The following ABCC9 variants were observed in gnomAD, a reference collection of about 807,000 sequenced individuals.
The protein encoded by ABCC9 is ATP-binding cassette sub-family C member 9.
Under a neutral mutation model 188.3 loss-of-function variants are expected in ABCC9, and 95 were observed. The ratio of observed to expected loss-of-function variants is 0.50; its 90% CI spans 0.43 to 0.60. ABCC9 has a LOEUF of 0.60. Among genes scored for constraint, ABCC9 ranks in the 20% least tolerant of loss-of-function variants. ABCC9 has a pLI of 0.00. For synonymous variants in ABCC9, 659 were observed against 652.7 expected (o/e 1.01, Z -0.15); for missense variants, 1,102 against 1,876.3 (o/e 0.59, Z 7.62).
chr12:21,821,270 T>C (rs1203562928), intron 31 of ABCC9, among the ~76,000 whole-genome samples: 2 of 152,214 alleles, frequency 1.3e-5, no homozygotes, highest in African/African-American at 2.4e-5. Context: ...TTATAATCTT[T>C]TAACTCCCAT....
At chr12:21,903,419 G>A (rs1224751942) in intron 12 of ABCC9, among the ~76,000 whole-genome samples, 1 of 152,200 alleles carries the variant, frequency 6.6e-6, no homozygotes, top group East Asian at 1.9e-4. Flanking sequence ...AGTGTTGGAA[G>A]TACTGGCCAG....
intron 18 of ABCC9, among the ~76,000 whole-genome samples, chr12:21,871,616 A>G (rs1027711353): frequency 6.6e-6 from 1 of 152,172 alleles, no homozygotes; most frequent in Admixed American, 6.5e-5. Flanking sequence ...AATTCATGAT[A>G]GTAGATACAA....
intron 22 of ABCC9, among the ~76,000 whole-genome samples, chr12:21,859,285 T>C (rs1334690411): frequency 1.3e-5 from 2 of 152,160 alleles, no homozygotes; most frequent in Admixed American, 6.6e-5. Context: ...AGAAGACTTA[T>C]GATCCTGCCT....
Position 21,906,151 on chromosome 12 carries a change from G to C in ABCC9, c.1593C>G (p.Thr531=). 1 of 1,613,136 alleles carries C rather than the reference G, an allele frequency of 6.2e-7. No homozygotes were observed. The highest frequency in any genetic ancestry group is 1.1e-5 in the South Asian group (1 of 91,062). The change falls in exon 12 of 40, where the codon ACC becomes ACG. Residue 531 remains threonine (T), a synonymous_variant. Coordinates refer to ENST00000261200, the MANE Select transcript of ABCC9 (RefSeq NM_020297.4). ...TRMKELSSLK[T]FALYTSLSIF... is the part of the protein sequence containing the mutation. ...TGGAGAGTGATGTATATAGTGCAAA[G>C]GTTTTGAGACTAGATAGTTCTTTCA...
chr12:21,824,460 G>A (rs1421120640), intron 31 of ABCC9, among the ~76,000 whole-genome samples: 1 of 152,136 alleles, frequency 6.6e-6, no homozygotes, highest in Non-Finnish European at 1.5e-5. Context: ...TTCCTTTTCT[G>A]TTGTGTCTCT....
chr12:21,922,342 A>G (rs935045581), intron 5 of ABCC9, among the ~76,000 whole-genome samples: 2 of 151,870 alleles, frequency 1.3e-5, no homozygotes, highest in Non-Finnish European at 2.9e-5. Flanking sequence ...ATATTTATTG[A>G]TTTGCAAATG....
intron 30 of ABCC9, among the ~76,000 whole-genome samples, chr12:21,832,123 C>T (rs1383117746): frequency 6.6e-6 from 1 of 152,160 alleles, no homozygotes; most frequent in Non-Finnish European, 1.5e-5. Context: ...ATCTTTTCAT[C>T]CATATCCAGC....
chr12:21,810,404 C>A (rs1942153341), intron 36 of ABCC9, among the ~76,000 whole-genome samples: 1 of 152,088 alleles, frequency 6.6e-6, no homozygotes, highest in African/African-American at 2.4e-5. Flanking sequence ...GCTATAAGGA[C>A]ATACCCGAGA....
chr12:21,865,762 C>T (rs1177557302), intron 18 of ABCC9, among the ~76,000 whole-genome samples: 2 of 152,132 alleles, frequency 1.3e-5, no homozygotes, highest in Non-Finnish European at 2.9e-5. Flanking sequence ...TAAATTCCGA[C>T]TCTATTTATT....
intron 18 of ABCC9, among the ~76,000 whole-genome samples, chr12:21,865,481 A>G (rs1305814640): frequency 6.6e-6 from 1 of 152,162 alleles, no homozygotes. Context: ...AATATTTTCC[A>G]CGCAATATGC....
chr12:21,807,539 A>G, intron 37 of ABCC9, 60 bp from the exon 38 acceptor site: 3 of 1,609,530 alleles, frequency 1.9e-6, no homozygotes, highest in Non-Finnish European at 1.7e-6. Flanking sequence ...TTTACCTTGG[A>G]CAAAATCATG....
intron 18 of ABCC9, among the ~76,000 whole-genome samples, chr12:21,870,841 G>A (rs374547503): frequency 8.7e-4 from 132 of 152,012 alleles, no homozygotes; most frequent in Admixed American, 1.6e-3. Context: ...AATATAAATC[G>A]TATACATGCT....
chr12:21,896,654 A>G (rs59061211), intron 12 of ABCC9, among the ~76,000 whole-genome samples: 49,940 of 151,866 alleles, frequency 0.33, 8,597 homozygotes, highest in Admixed American at 0.39. Context: ...ATAGGTGAGA[A>G]CATGTGGTGT....
rs548380877 is a variant in ABCC9, at chr12:21,912,956, T to C, written c.927A>G (p.Leu309=). 3.1e-6 allele frequency: 5 copies of C among 1,613,492 alleles called. No homozygotes were observed. The highest frequency in any genetic ancestry group is 1.3e-5 in the African/African-American group (1 of 74,918). ...LSSTFRYLAD[L]LGFAGPLCIS... is the part of the protein sequence containing the mutation. ...TACAAAGAGGTCCAGCAAAACCCAG[T>C]AAATCAGCCAGATAGCGGAATGTGC... The change falls in exon 8 of 40, where the codon TTA becomes TTG. Residue 309 remains leucine, a synonymous_variant. Coordinates refer to ENST00000261200, the MANE Select transcript of ABCC9 (RefSeq NM_020297.4).
intron 30 of ABCC9, among the ~76,000 whole-genome samples, chr12:21,830,145 CT>C (rs1943674755): frequency 6.6e-6 from 1 of 152,064 alleles, no homozygotes; most frequent in African/African-American, 2.4e-5. Context: ...TCTGTGTAAC[CT>C]ATTTTATAAA....
At position 21,940,999 on chromosome 12, in the gene ABCC9, T is replaced by G. The variant is rs1035137026; in HGVS notation, c.-136-174A>C. ...CAGTTTTGAAGTAAAACTGGAAACC[T>G]GATCCCCACCCCTTCACTTCTCGAG... On this transcript the variant is annotated intron_variant, in intron 1 of 39. Coordinates refer to ENST00000261200, the MANE Select transcript of ABCC9 (RefSeq NM_020297.4). Among the ~76,000 whole-genome samples, 10 of 152,322 alleles carry G rather than the reference T, an allele frequency of 6.6e-5. No individual in the cohort carries two copies. In the South Asian group the frequency reaches 1.0e-3, roughly 16 times the overall value.
At chr12:21,904,811 A>G (rs1947950779) in intron 12 of ABCC9, among the ~76,000 whole-genome samples, 1 of 152,222 alleles carries the variant, frequency 6.6e-6, no homozygotes, top group Admixed American at 6.5e-5. Flanking sequence ...AGAAATAGGA[A>G]CACTTTTACA....
intron 32 of ABCC9, 146 bp downstream of exon 32, chr12:21,818,004 T>TCC: frequency 9.6e-6 from 4 of 416,480 alleles, no homozygotes; most frequent in South Asian, 5.1e-5. Context: ...CTAAGTTCCC[T>TCC]CCCCTCACCC....
chr12:21,873,249 A>G (rs938358741), intron 17 of ABCC9, among the ~76,000 whole-genome samples: 1 of 152,058 alleles, frequency 6.6e-6, no homozygotes, highest in Non-Finnish European at 1.5e-5. Flanking sequence ...TTAAGGAAAA[A>G]TTACTGGGTT....
Sources: allele counts gnomAD v4.1 joint callset (sites outside exome capture counted in the v4.1 genomes callset), GRCh38; gene constraint gnomAD v4.1.1; transcripts MANE v1.5; gene names NCBI Gene and HGNC (gene_info 2026-07-23, HGNC 2026-07-21).